VRK3: variants seen among roughly 807,000 people sequenced by gnomAD.
The protein encoded by VRK3 is VRK serine/threonine kinase 3, also known as serine/threonine-protein kinase VRK3.
VRK3 carries 50 observed loss-of-function variants against 60.4 expected under a neutral mutation model. The observed-to-expected ratio is 0.83, with a 90% CI of 0.66 to 1.05. The LOEUF (loss-of-function observed/expected upper bound fraction) is 1.05, where lower values mean the gene tolerates loss of function less well. VRK3 is among the 50% of genes least tolerant of loss of function. VRK3 has a pLI of 0.00. For missense variants in VRK3, 549 were observed against 585.3 expected, an observed-to-expected ratio of 0.94 and a Z score of 0.64; for synonymous variants, 246 against 227.8, an observed-to-expected ratio of 1.08 and a Z score of -0.72.
At chr19:49,980,123 G>A (rs998016272) in intron 13 of VRK3, among the ~76,000 whole-genome samples, 3 of 152,206 alleles carry the variant, frequency 2.0e-5, no homozygotes, top group East Asian at 1.9e-4. Context: ...GAGGGAACAA[G>A]CTATCTGTTT....
At chr19:49,977,933 G>A (rs762629304) in intron 14 of VRK3, among the ~76,000 whole-genome samples, 1 of 152,140 alleles carries the variant, frequency 6.6e-6, no homozygotes, top group Non-Finnish European at 1.5e-5. Context: ...TGACACACAC[G>A]TGTCAGCTCA....
chr19:50,009,941 T>A (rs2076965468), intron 3 of VRK3, among the ~76,000 whole-genome samples: 1 of 152,128 alleles, frequency 6.6e-6, no homozygotes, highest in South Asian at 2.1e-4. Context: ...ATGCCTGGCC[T>A]CTTCCATGTA....
intron 3 of VRK3, among the ~76,000 whole-genome samples, chr19:50,010,059 T>TATATATATATATAC (rs143020431): frequency 9.9e-5 from 15 of 151,100 alleles, no homozygotes; most frequent in African/African-American, 3.6e-4. Context: ...TATATATATA[T>TATATATATATATAC]ACACACACAC....
At chr19:49,999,856 G>T (rs543883161) in intron 6 of VRK3, 1 of 152,400 alleles carries the variant, frequency 6.6e-6, no homozygotes, top group East Asian at 1.9e-4. Context: ...CAGGTTGATG[G>T]GGTGCCTACT....
chr19:49,978,952 C>T, intron 14 of VRK3, 131 bp downstream of exon 14: 4 of 973,534 alleles, frequency 4.1e-6, no homozygotes, highest in Non-Finnish European at 5.8e-6. Flanking sequence ...CGGAAAAACC[C>T]AGTGTCTCCC....
chr19:49,995,538 C>T (rs1313912969), intron 7 of VRK3, among the ~76,000 whole-genome samples: 1 of 152,108 alleles, frequency 6.6e-6, no homozygotes, highest in African/African-American at 2.4e-5. Flanking sequence ...GTCTGGAGTG[C>T]AGAGATGGGA....
At chr19:49,991,373 AC>A (rs1295122032) in intron 10 of VRK3, among the ~76,000 whole-genome samples, 1 of 151,926 alleles carries the variant, frequency 6.6e-6, no homozygotes. Flanking sequence ...AACTGAAACA[AC>A]CCCTCTTCTT....
intron 2 of VRK3, chr19:50,019,165 T>TAAAAAAAAA (rs199546751): frequency 2.5e-5 from 2 of 79,050 alleles, no homozygotes; most frequent in Non-Finnish European, 2.7e-5. Flanking sequence ...ACTCCGTCTC[T>TAAAAAAAAA]AAAAAAAAAA....
intron 4 of VRK3, chr19:50,008,861 T>C: frequency 5.9e-6 from 1 of 169,044 alleles, no homozygotes; most frequent in Non-Finnish European, 1.3e-5. Flanking sequence ...TGCCCTGGGC[T>C]GAGGGAACAG....
intron 2 of VRK3, among the ~76,000 whole-genome samples, chr19:50,016,657 CCTGA>C (rs2077083727): frequency 6.6e-6 from 1 of 152,172 alleles, no homozygotes; most frequent in Non-Finnish European, 1.5e-5. Flanking sequence ...CCTATTCTAT[CCTGA>C]CTAATTTAGT....
chr19:50,022,651 G>A (rs1046820566), intron 1 of VRK3, among the ~76,000 whole-genome samples: 14 of 151,812 alleles, frequency 9.2e-5, no homozygotes, highest in East Asian at 1.9e-4. Flanking sequence ...AAAATCAGCC[G>A]GGCGTGGTGG....
intron 10 of VRK3, among the ~76,000 whole-genome samples, chr19:49,992,352 C>T (rs978588915): frequency 2.0e-5 from 3 of 152,130 alleles, no homozygotes; most frequent in Non-Finnish European, 4.4e-5. Flanking sequence ...TGTGATGAGC[C>T]GAGATCGTGC....
At position 50,007,553 on chromosome 19, in the gene VRK3, C is replaced by G. The variant is rs202045770; in HGVS notation, c.547+16G>C. 3 of 1,613,288 alleles carry G rather than the reference C, an allele frequency of 1.9e-6. No homozygotes were observed. The African/African-American group carries it at 4.0e-5, about 21-fold the overall frequency. ...TGAGACGACCCAGTCCCTGGCCGCC[C>G]ATGGACAGAGTGTACCTTCATAGAG... On this transcript the variant is annotated intron_variant, in intron 5 of 14. Transcript: ENST00000316763.
intron 5 of VRK3, among the ~76,000 whole-genome samples, chr19:50,002,069 A>G (rs1318608998): frequency 2.0e-5 from 3 of 152,148 alleles, no homozygotes; most frequent in South Asian, 2.1e-4. Flanking sequence ...GGGGAGTGGC[A>G]GAGCTGGCTC....
chr19:50,013,628 T>C (rs2077030033), intron 3 of VRK3, among the ~76,000 whole-genome samples: 1 of 152,204 alleles, frequency 6.6e-6, no homozygotes, highest in Non-Finnish European at 1.5e-5. Context: ...GCTTGGGCCT[T>C]CCAGTGAGCA....
chr19:50,000,938 G>C, intron 5 of VRK3, 84 bp from the exon 6 acceptor site: 1 of 1,351,044 alleles, frequency 7.4e-7, no homozygotes, highest in Non-Finnish European at 1.0e-6. Context: ...GCAATGAGAA[G>C]CGGCTCTGGT....
intron 1 of VRK3, among the ~76,000 whole-genome samples, chr19:50,024,473 A>C (rs761794250): frequency 6.6e-6 from 1 of 152,218 alleles, no homozygotes; most frequent in Non-Finnish European, 1.5e-5. Flanking sequence ...TTGGATTTTA[A>C]AGTTATAGAT....
intron 2 of VRK3, among the ~76,000 whole-genome samples, chr19:50,017,887 C>A (rs767559512): frequency 1.6e-4 from 24 of 152,156 alleles, no homozygotes; most frequent in Non-Finnish European, 2.9e-4. Flanking sequence ...TCTGGAACTC[C>A]TGGCCTCCAG....
rs978761919 is a variant in VRK3, at chr19:50,003,269, G to A, written c.548-2415C>T. 3.9e-5 allele frequency among the ~76,000 whole-genome samples: 6 copies of A among 152,276 alleles called. No individual in the cohort carries two copies. In the East Asian group the frequency reaches 9.6e-4, roughly 24 times the overall value. On this transcript the variant is annotated intron_variant, in intron 5 of 14. Transcript: ENST00000316763. Reference sequence around the variant, plus strand: ...TCAGCAGAGCCAACACCTAAACTTCGTACCCAGTGATTTTGGACTTCTGGC... The same window carrying A: ...TCAGCAGAGCCAACACCTAAACTTCATACCCAGTGATTTTGGACTTCTGGC...
Sources: gnomAD v4.1 joint callset for allele counts (sites outside exome capture counted in the v4.1 genomes callset) on GRCh38, gnomAD v4.1.1 for gene constraint, MANE v1.5 for transcripts, NCBI Gene and HGNC (gene_info 2026-07-23, HGNC 2026-07-21) for gene names.